The following KCNQ1 variants were observed in gnomAD, a reference collection of about 807,000 sequenced individuals.
KCNQ1 encodes the protein potassium voltage-gated channel subfamily Q member 1, also known as potassium voltage-gated channel subfamily KQT member 1.
Under a neutral mutation model 72.4 loss-of-function variants are expected in KCNQ1, and 49 were observed. The observed-to-expected ratio is 0.68, with a 90% CI of 0.54 to 0.86. The LOEUF is 0.86. KCNQ1 is among the 40% of genes least tolerant of loss of function. The pLI is 0.00. For missense variants in KCNQ1, 790 were observed against 945.1 expected, an observed-to-expected ratio of 0.84 and a Z score of 2.15; for synonymous variants, 450 against 412.6, an observed-to-expected ratio of 1.09 and a Z score of -1.10.
At chr11:2,773,088 C>T (rs1213358863) in intron 12 of KCNQ1, among the ~76,000 whole-genome samples, 1 of 152,222 alleles carries the variant, frequency 6.6e-6, no homozygotes, top group African/African-American at 2.4e-5. Flanking sequence ...TCCCTTAAGG[C>T]AGAGCAAGGC....
chr11:2,764,898 T>C lies in KCNQ1; in HGVS notation c.1515-3946T>C, dbSNP rs1355361743. On this transcript the variant is annotated intron_variant, in intron 11 of 15. Coordinates refer to ENST00000155840, the MANE Select transcript of KCNQ1 (RefSeq NM_000218.3). The surrounding 1 kb of genome is among the most constrained non-coding windows in gnomAD (Gnocchi z 4.8). Reference sequence around the variant, plus strand: ...TGTGTCCCCTCCCCCATCTGATCAGTCTTCCCAAAAGTGTGTCTGTTTTAT... The same window carrying C: ...TGTGTCCCCTCCCCCATCTGATCAGCCTTCCCAAAAGTGTGTCTGTTTTAT... Among the ~76,000 whole-genome samples, 1 of 152,192 alleles carries C rather than the reference T, an allele frequency of 6.6e-6. No homozygotes were observed. Among genetic ancestry groups the C allele is most frequent in the Non-Finnish European group, 1.5e-5 (1 of 68,028 alleles).
chr11:2,798,523 G>A (rs11024137), intron 15 of KCNQ1, among the ~76,000 whole-genome samples: 13,510 of 150,384 alleles, frequency 0.09, 774 homozygotes, highest in East Asian at 0.23. Flanking sequence ...ATTCATTGGT[G>A]ATGGCAAAAT....
At chr11:2,834,067 T>TAC (rs1352722425) in intron 15 of KCNQ1, among the ~76,000 whole-genome samples, 2 of 152,106 alleles carry the variant, frequency 1.3e-5, no homozygotes, top group Non-Finnish European at 2.9e-5. Context: ...TAGGTCCCCT[T>TAC]ACACACACAC....
In KCNQ1 at chr11:2,703,711, G is replaced by A. The variant is rs1850859684; in HGVS notation, c.1514+41630G>A. Among the ~76,000 whole-genome samples, 1 of 152,222 alleles carries A rather than the reference G, an allele frequency of 6.6e-6. No individual in the cohort carries two copies. The highest frequency in any genetic ancestry group is 2.4e-5 in the African/African-American group (1 of 41,458). On this transcript the variant is annotated intron_variant, in intron 11 of 15. Coordinates refer to ENST00000155840, the MANE Select transcript of KCNQ1 (RefSeq NM_000218.3). This position sits in a 1 kb window ranked among gnomAD's most constrained non-coding sequence, Gnocchi z 6.4. The stretch of plus-strand genomic sequence containing the variant: ...AGTCCTCTTCTGCAGTGCAAGGCAG[G>A]AGAAAGAACTGCTGTGGGAGCCCCT...
At chr11:2,575,040 G>A (rs140341650) in intron 6 of KCNQ1, among the ~76,000 whole-genome samples, 8 of 152,300 alleles carry the variant, frequency 5.3e-5, no homozygotes, top group African/African-American at 9.6e-5. Context: ...AGGAGCTGGC[G>A]GTGCAGCAAA....
intron 11 of KCNQ1, among the ~76,000 whole-genome samples, chr11:2,733,774 CCACACACACACACACA>C (rs144399150): frequency 3.3e-4 from 19 of 57,476 alleles, no homozygotes; most frequent in African/African-American, 1.2e-3. Context: ...TTCAGGCCTT[CCACACACACACACACA>C]CACACACACA....
At chr11:2,795,793 A>G (rs1218992944) in intron 15 of KCNQ1, among the ~76,000 whole-genome samples, 1 of 151,882 alleles carries the variant, frequency 6.6e-6, no homozygotes, top group Non-Finnish European at 1.5e-5. Flanking sequence ...TCCATGAGGA[A>G]CCCCACGGGT....
chr11:2,660,915 T>A, intron 10 of KCNQ1: 2 of 398,670 alleles, frequency 5.0e-6, no homozygotes, highest in Non-Finnish European at 8.8e-6. Flanking sequence ...CTTAAAACTA[T>A]AAGAGCCTGA....
intron 11 of KCNQ1, chr11:2,667,436 G>A: frequency 2.5e-6 from 1 of 398,756 alleles, no homozygotes; most frequent in Non-Finnish European, 4.4e-6. Flanking sequence ...CAGCCATGAT[G>A]CTGCTCAGGT....
rs1345299605 is a variant in KCNQ1, at chr11:2,600,696, A to AT, written c.1393+11848dup. On this transcript the variant is annotated intron_variant, in intron 10 of 15. Coordinates refer to ENST00000155840, the MANE Select transcript of KCNQ1 (RefSeq NM_000218.3). The surrounding 1 kb of genome is among the most constrained non-coding windows in gnomAD (Gnocchi z 5.6). ...TTGCCATGACAATGTCCTTTGTGGC[A>AT]TTTTTTCCTCCACTGCAAGATCCAG... Among the ~76,000 whole-genome samples, 2 of 152,206 alleles carry AT rather than the reference A, an allele frequency of 1.3e-5. No individual in the cohort carries two copies. The highest frequency in any genetic ancestry group is 2.1e-4 in the South Asian group (1 of 4,824).
chr11:2,807,201 G>C (rs1847392807), intron 15 of KCNQ1, among the ~76,000 whole-genome samples: 1 of 152,230 alleles, frequency 6.6e-6, no homozygotes, highest in Admixed American at 6.5e-5. Flanking sequence ...ATGAGCTTTG[G>C]GCAAAATATT....
At chr11:2,814,056 T>C (rs958791710) in intron 15 of KCNQ1, among the ~76,000 whole-genome samples, 3 of 146,248 alleles carry the variant, frequency 2.1e-5, no homozygotes, top group African/African-American at 7.8e-5. Context: ...GATGGAGAGA[T>C]GGATGAATGG....
rs1248638001 is a variant in KCNQ1 at position 2,617,059 on chromosome 11, TCA to T, written c.1393+28208_1393+28209del. ...GATGCAAATTAATATGTCCATCATC[TCA>T]CAGTTATTCTTTTGTGTGTATGAGT... On this transcript the variant is annotated intron_variant, in intron 10 of 15. Transcript: ENST00000155840. The surrounding 1 kb of genome is among the most constrained non-coding windows in gnomAD (Gnocchi z 4.6). 27 of 398,252 alleles carry T rather than the reference TCA, an allele frequency of 6.8e-5. No homozygotes were observed. Among genetic ancestry groups the T allele is most frequent in the African/African-American group, 4.7e-4 (23 of 48,740 alleles). 24.7% of individuals were successfully genotyped at this position (398,252 alleles called of 1,614,324 possible). A position where few individuals can be genotyped will look rare whatever the true frequency, so the allele number is the denominator to read the frequency against.
At position 2,704,135 on chromosome 11, in the gene KCNQ1, C is replaced by A. The variant is rs188473477; in HGVS notation, c.1514+42054C>A. Among the ~76,000 whole-genome samples, 6 of 152,390 alleles carry A rather than the reference C, an allele frequency of 3.9e-5. No individual in the cohort carries two copies. Among genetic ancestry groups the A allele is most frequent in the Non-Finnish European group, 8.8e-5 (6 of 68,042 alleles). On this transcript the variant is annotated intron_variant, in intron 11 of 15. Transcript: ENST00000155840. This position sits in a 1 kb window ranked among gnomAD's most constrained non-coding sequence, Gnocchi z 4.3. Reference sequence around the variant, plus strand: ...CATGCATTGGTCCACACACCCACCACTGCAGCTGTCCTGGGTAAGGGCTCT... The same window carrying A: ...CATGCATTGGTCCACACACCCACCAATGCAGCTGTCCTGGGTAAGGGCTCT...
intron 15 of KCNQ1, among the ~76,000 whole-genome samples, chr11:2,786,395 T>C (rs1406901160): frequency 1.3e-5 from 2 of 152,176 alleles, no homozygotes; most frequent in East Asian, 1.9e-4. Context: ...GCATTTTCAC[T>C]AGGATATGTT....
rs542745746 is a variant in KCNQ1, at chr11:2,813,830, C to A, written c.1795-33937C>A. Among the ~76,000 whole-genome samples, 1 of 151,640 alleles carries A rather than the reference C, an allele frequency of 6.6e-6. No homozygotes were observed. The highest frequency in any genetic ancestry group is 2.4e-5 in the African/African-American group (1 of 41,302). ...AGCATTAATGAGTGTGAGTGAGTGG[C>A]GGATGAGTAGGTAGATGGACGGGGA... On this transcript the variant is annotated intron_variant, in intron 15 of 15. Coordinates refer to ENST00000155840, the MANE Select transcript of KCNQ1 (RefSeq NM_000218.3). The surrounding 1 kb of genome is among the most constrained non-coding windows in gnomAD (Gnocchi z 4.4).
chr11:2,614,204 A>G, intron 10 of KCNQ1: 1 of 398,518 alleles, frequency 2.5e-6, no homozygotes, highest in East Asian at 3.6e-5. Flanking sequence ...GCCACCTCAA[A>G]TCTTAGTCAT....
chr11:2,662,960 C>T, intron 11 of KCNQ1: 1 of 398,720 alleles, frequency 2.5e-6, no homozygotes, highest in Non-Finnish European at 4.4e-6. Flanking sequence ...CCCTGGGCCT[C>T]CTGCCTTTGC....
At position 2,663,008 on chromosome 11, in the gene KCNQ1, G is replaced by A. The variant is rs970753182; in HGVS notation, c.1514+927G>A. ...GCAAGGCCTGGCCTTGCAAATCACT[G>A]AGGAAATCGGGACCCATGGTGCTGG... is the stretch of plus-strand genomic sequence containing the variant. On this transcript the variant is annotated intron_variant, in intron 11 of 15. Coordinates refer to ENST00000155840, the MANE Select transcript of KCNQ1 (RefSeq NM_000218.3). This position sits in a 1 kb window ranked among gnomAD's most constrained non-coding sequence, Gnocchi z 5.2. The A allele has an allele frequency of 1.0e-5, 4 of 398,750 alleles. No individual in the cohort carries two copies. The highest frequency in any genetic ancestry group is 1.8e-5 in the Non-Finnish European group (4 of 226,146). 24.7% of individuals were successfully genotyped at this position (398,750 alleles called of 1,614,324 possible).
Sources: allele counts gnomAD v4.1 joint callset (sites outside exome capture counted in the v4.1 genomes callset), GRCh38; gene constraint gnomAD v4.1.1; non-coding constraint Gnocchi (gnomAD v3.1); transcripts MANE v1.5; gene names NCBI Gene and HGNC (gene_info 2026-07-23, HGNC 2026-07-21).